Variants in GPSM2 observed in about 807,000 individuals in gnomAD.
The protein encoded by GPSM2 is G protein-signaling modulator 2.
GPSM2 carries 58 observed loss-of-function variants against 78.4 expected under a neutral mutation model. The observed-to-expected ratio is 0.74, with a 90% CI of 0.60 to 0.92. GPSM2 has a LOEUF of 0.92. GPSM2 is among the 40% of genes least tolerant of loss of function. GPSM2 has a pLI of 0.00. For synonymous variants in GPSM2, 224 were observed against 280.2 expected (o/e 0.80, Z 2.00); for missense variants, 700 against 815.5 (o/e 0.86, Z 1.73).
At chr1:108,926,580 C>CTGAT (rs1651133219) in intron 14 of GPSM2, 1 of 152,096 alleles carries the variant, frequency 6.6e-6, no homozygotes, top group Admixed American at 6.6e-5. Flanking sequence ...GACGCAAGGA[C>CTGAT]TGATTGTTCA....
At chr1:108,904,897 A>G (rs942382355) in intron 10 of GPSM2, among the ~76,000 whole-genome samples, 1 of 152,288 alleles carries the variant, frequency 6.6e-6, no homozygotes, top group Non-Finnish European at 1.5e-5. Context: ...TAAAAGGGAT[A>G]AGATTAGGAT....
rs751105308 is a variant in GPSM2, at chr1:108,897,015, A to G, written c.208A>G (p.Asn70Asp). ...TAGCGCTATTTACAGCCAGTTGGGC[A>G]ATGCTTATTTCTATTTGCATGATTA... is the stretch of plus-strand genomic sequence containing the variant. The part of the protein sequence containing the change: ...TLSAIYSQLG[N>D]AYFYLHDYAK... The change falls in exon 3 of 15, where the codon AAT (asparagine) becomes GAT (aspartate). Residue 70 changes from asparagine to aspartate, a missense_variant. By Grantham distance (23) the Asn-to-Asp change is conservative. Coordinates refer to ENST00000264126, the MANE Select transcript of GPSM2 (RefSeq NM_013296.5). 6 of 1,613,980 alleles carry G rather than the reference A, an allele frequency of 3.7e-6. No individual in the cohort carries two copies. In the Admixed American group the frequency reaches 6.7e-5, roughly 18 times the overall value.
intron 14 of GPSM2, among the ~76,000 whole-genome samples, chr1:108,928,153 A>C (rs897085032): frequency 1.3e-5 from 2 of 152,264 alleles, no homozygotes; most frequent in African/African-American, 2.4e-5. Context: ...TGGAAATCAC[A>C]TATCTGATAA....
Position 108,924,134 on chromosome 1 carries a change from C to T in GPSM2, c.1735C>T (p.Gln579Ter). 1 of 1,613,814 alleles carries T rather than the reference C, an allele frequency of 6.2e-7. No individual in the cohort carries two copies. The highest frequency in any genetic ancestry group is 1.3e-5 in the African/African-American group (1 of 74,986). ...AGGGCTTCGTCTAACACAAAACAGC[C>T]AGTCGGTACTTAGCCACCTGATGAC... ...LPGLRLTQNS[Q>*]SVLSHLMTND... The change falls in exon 14 of 15, where the codon CAG (glutamine) becomes TAG (stop). Residue 579 changes from glutamine (Q) to a stop codon, truncating the protein, a stop_gained. Transcript: ENST00000264126. LOFTEE classifies it high-confidence loss of function.
chr1:108,918,034 A>C (rs2101525759), intron 11 of GPSM2, among the ~76,000 whole-genome samples: 1 of 152,284 alleles, frequency 6.6e-6, no homozygotes, highest in East Asian at 1.9e-4. Context: ...TGCAAATGTC[A>C]GAGCTATTGT....
intron 2 of GPSM2, among the ~76,000 whole-genome samples, chr1:108,892,501 A>G (rs1648046397): frequency 6.6e-6 from 1 of 152,242 alleles, no homozygotes; most frequent in South Asian, 2.1e-4. Context: ...GGATAGTAGT[A>G]CTGTGTCTAT....
Position 108,931,436 on chromosome 1 carries a change from G to T in GPSM2, c.*1496G>T. 6.4e-7 allele frequency: 1 copy of T among 1,550,972 alleles called. No homozygotes were observed. The highest frequency in any genetic ancestry group is 8.7e-7 in the Non-Finnish European group (1 of 1,147,078). ...TCACAGACTGCAAAGGCCCACGCTT[G>T]GAACAAGTTGCCAACTTGTTTCACT... is the stretch of plus-strand genomic sequence containing the variant. On this transcript the variant is annotated 3_prime_UTR_variant, in exon 15 of 15. Transcript: ENST00000264126.
chr1:108,905,036 A>G (rs1285290301), intron 10 of GPSM2, among the ~76,000 whole-genome samples: 1 of 152,154 alleles, frequency 6.6e-6, no homozygotes, highest in Non-Finnish European at 1.5e-5. Flanking sequence ...ATCTACCTTT[A>G]CTTTTTCCAA....
chr1:108,885,613 A>AGGATTAAAAG, intron 2 of GPSM2, 35 bp downstream of exon 2: 1 of 1,285,806 alleles, frequency 7.8e-7, no homozygotes, highest in Non-Finnish European at 1.1e-6. Context: ...ATGACTTTTA[A>AGGATTAAAAG]TCCTTATTTT....
At chr1:108,891,336 A>G (rs1325516683) in intron 2 of GPSM2, among the ~76,000 whole-genome samples, 1 of 152,206 alleles carries the variant, frequency 6.6e-6, no homozygotes, top group Non-Finnish European at 1.5e-5. Context: ...TTTCTTGAGT[A>G]GTTTAAGGTA....
intron 10 of GPSM2, among the ~76,000 whole-genome samples, chr1:108,908,327 CT>C (rs1159271239): frequency 6.7e-6 from 1 of 149,566 alleles, no homozygotes; most frequent in Non-Finnish European, 1.5e-5. Context: ...GCCGAGATTG[CT>C]CCACTGCACT....
intron 2 of GPSM2, among the ~76,000 whole-genome samples, chr1:108,888,271 C>T (rs192698331): frequency 1.1e-4 from 17 of 152,204 alleles, no homozygotes; most frequent in Admixed American, 2.6e-4. Flanking sequence ...AGGCTGGTCT[C>T]GAACTCCTGA....
intron 11 of GPSM2, among the ~76,000 whole-genome samples, chr1:108,917,033 C>T (rs529484549): frequency 7.3e-4 from 111 of 152,296 alleles, no homozygotes; most frequent in African/African-American, 2.5e-3. Context: ...GTTTTTAAGA[C>T]ATTGCTTCGC....
chr1:108,926,617 C>T (rs1651135157), intron 14 of GPSM2: 1 of 151,830 alleles, frequency 6.6e-6, no homozygotes, highest in Non-Finnish European at 1.5e-5. Context: ...CAGTGTAACA[C>T]ATAATATAAA....
rs1648507836 is a variant in GPSM2 at position 108,898,042 on chromosome 1, T to C, written c.498T>C (p.Asp166=). 1 of 1,614,006 alleles carries C rather than the reference T, an allele frequency of 6.2e-7. No individual in the cohort carries two copies. Among genetic ancestry groups the C allele is most frequent in the East Asian group, 2.2e-5 (1 of 44,876 alleles). ...GTTTTGGTTGCCCTGGTCCCCAGGA[T>C]GTAGGAGAATTTCCAGAAGAAGTGA... ...GKSFGCPGPQ[D]VGEFPEEVRD... is the part of the protein sequence containing the mutation. Residue 166 remains aspartate, a synonymous_variant, in exon 5 of 15, where the codon GAT becomes GAC. Coordinates refer to ENST00000264126, the MANE Select transcript of GPSM2 (RefSeq NM_013296.5).
At chr1:108,886,644 T>A (rs1312239350) in intron 2 of GPSM2, among the ~76,000 whole-genome samples, 4 of 152,198 alleles carry the variant, frequency 2.6e-5, no homozygotes, top group Non-Finnish European at 4.4e-5. Flanking sequence ...TACAACACAC[T>A]CCCTTTGGCT....
intron 4 of GPSM2, 46 bp from the exon 5 acceptor site, chr1:108,897,913 T>G (rs751855007): frequency 1.5e-5 from 24 of 1,595,446 alleles, no homozygotes; most frequent in Non-Finnish European, 2.1e-5. Flanking sequence ...ATGATAAACC[T>G]GACCTCTGTT....
At chr1:108,924,249 C>A in intron 14 of GPSM2, 35 bp downstream of exon 14, 2 of 1,241,774 alleles carry the variant, frequency 1.6e-6, no homozygotes, top group Non-Finnish European at 2.4e-6. Flanking sequence ...CTGCATACAG[C>A]TCAGATACCA....
intron 10 of GPSM2, among the ~76,000 whole-genome samples, chr1:108,905,257 C>T (rs1215787448): frequency 3.9e-5 from 6 of 152,106 alleles, no homozygotes; most frequent in Non-Finnish European, 7.4e-5. Context: ...AAAGCAAAAA[C>T]AAACAGTCGC....
Sources: gnomAD v4.1 joint callset for allele counts (sites outside exome capture counted in the v4.1 genomes callset) on GRCh38, gnomAD v4.1.1 for gene constraint, MANE v1.5 for transcripts, NCBI Gene and HGNC (gene_info 2026-07-23, HGNC 2026-07-21) for gene names.